GCFC2: variants seen among roughly 807,000 people sequenced by gnomAD.
GCFC2 encodes the protein GC-rich sequence DNA-binding factor 2, also known as intron Large complex component GCFC2.
Under a neutral mutation model 99.4 loss-of-function variants are expected in GCFC2, and 102 were observed. That is an observed-to-expected ratio of 1.03 (90% CI 0.87 to 1.21). The LOEUF is 1.21. Among genes scored for constraint, GCFC2 ranks in the 50% most tolerant of loss-of-function variants. The pLI is 0.00. For synonymous variants in GCFC2, 338 were observed against 316.8 expected (o/e 1.07, Z -0.71); for missense variants, 973 against 920.9 (o/e 1.06, Z -0.73).
intron 11 of GCFC2, among the ~76,000 whole-genome samples, chr2:75,683,486 A>C (rs762720994): frequency 2.0e-5 from 3 of 149,526 alleles, no homozygotes; most frequent in Non-Finnish European, 4.4e-5. Flanking sequence ...GACGCTGCAA[A>C]AACATACCGA....
chr2:75,690,912 G>T (rs1018162526), intron 7 of GCFC2, 193 bp from the exon 8 acceptor site: 1 of 444,344 alleles, frequency 2.3e-6, no homozygotes, highest in Non-Finnish European at 4.0e-6. Context: ...ACAGGCATGA[G>T]GTTCATTAGC....
At chr2:75,702,650 A>G (rs1208983377) in intron 2 of GCFC2, among the ~76,000 whole-genome samples, 1 of 152,226 alleles carries the variant, frequency 6.6e-6, no homozygotes, top group Non-Finnish European at 1.5e-5. Context: ...GTATCAGAAA[A>G]TATACTGAAA....
intron 12 of GCFC2, among the ~76,000 whole-genome samples, chr2:75,677,753 CGG>C (rs1275524163): frequency 6.6e-6 from 1 of 152,012 alleles, no homozygotes; most frequent in African/African-American, 2.4e-5. Flanking sequence ...CCGAGGTGGG[CGG>C]ATCACAAGGT....
At chr2:75,696,387 A>T (rs145372978) in intron 4 of GCFC2, 72 bp from the exon 5 acceptor site, 5 of 722,284 alleles carry the variant, frequency 6.9e-6, no homozygotes, top group Non-Finnish European at 1.0e-5. Context: ...TAGCATGTAA[A>T]GGGACTGGAT....
intron 4 of GCFC2, among the ~76,000 whole-genome samples, chr2:75,699,583 T>G (rs750477012): frequency 6.6e-6 from 1 of 151,054 alleles, no homozygotes; most frequent in Non-Finnish European, 1.5e-5. Context: ...TTCATTCATT[T>G]ATTTATTTTT....
chr2:75,662,918 A>C lies in GCFC2; in HGVS notation c.*1748T>G, dbSNP rs1300753221. 1.3e-5 allele frequency: 2 copies of C among 151,856 alleles called. No homozygotes were observed. Among genetic ancestry groups the C allele is most frequent in the Non-Finnish European group, 2.9e-5 (2 of 67,954 alleles). The allele number at this position is 151,856 out of a possible 1,614,324, so 9.4% of individuals were successfully genotyped here. A position where few individuals can be genotyped will look rare whatever the true frequency, so the allele number is the denominator to read the frequency against. ...TGCCACTTACGTAAAAAAAAAAAAA[A>C]AACCCAAAACTATGTACACATAGAA... On this transcript the variant is annotated 3_prime_UTR_variant, in exon 17 of 17. Transcript: ENST00000321027.
chr2:75,665,776 T>C (rs1678811608), intron 16 of GCFC2, among the ~76,000 whole-genome samples, 153 bp downstream of exon 16: 1 of 152,202 alleles, frequency 6.6e-6, no homozygotes, highest in South Asian at 2.1e-4. Flanking sequence ...GCATAAGCCA[T>C]CCCAAAGGTA....
At chr2:75,685,681 T>G (rs1679780718) in intron 11 of GCFC2, among the ~76,000 whole-genome samples, 1 of 152,148 alleles carries the variant, frequency 6.6e-6, no homozygotes, top group African/African-American at 2.4e-5. Flanking sequence ...AAAGTCAATT[T>G]TATACATTAA....
At chr2:75,681,906 C>T (rs1196199832) in intron 11 of GCFC2, among the ~76,000 whole-genome samples, 1 of 151,942 alleles carries the variant, frequency 6.6e-6, no homozygotes, top group Non-Finnish European at 1.5e-5. Context: ...CTCCTCTTCT[C>T]TGGGCAGAGC....
At chr2:75,679,809 G>A in intron 12 of GCFC2, 1 of 401,514 alleles carries the variant, frequency 2.5e-6, no homozygotes, top group Non-Finnish European at 4.4e-6. Flanking sequence ...AAAGATGGCT[G>A]CCTGGGCCAT....
chr2:75,710,575 G>A lies in GCFC2; in HGVS notation c.265+16C>T, dbSNP rs1185882556. 4.0e-6 allele frequency: 6 copies of A among 1,488,334 alleles called. No individual in the cohort carries two copies. The highest frequency in any genetic ancestry group is 5.3e-6 in the Non-Finnish European group (6 of 1,125,754). The allele number at this position is 1,488,334 out of a possible 1,614,324, so 92.2% of individuals were successfully genotyped here. Reference sequence around the variant, plus strand: ...TGTGCCGTCACCTCCCCGCTTCCCCGCGTCTCCCTGGACACCTGAGCCTTC... The same window carrying A: ...TGTGCCGTCACCTCCCCGCTTCCCCACGTCTCCCTGGACACCTGAGCCTTC... On this transcript the variant is annotated intron_variant, in intron 1 of 16. Transcript: ENST00000321027.
At chr2:75,692,467 C>T (rs1354028523) in intron 6 of GCFC2, among the ~76,000 whole-genome samples, 1 of 151,780 alleles carries the variant, frequency 6.6e-6, no homozygotes, top group Non-Finnish European at 1.5e-5. Flanking sequence ...GCCAACATAG[C>T]GAAACCCCTT....
intron 11 of GCFC2, among the ~76,000 whole-genome samples, chr2:75,681,473 G>A (rs1341269031): frequency 1.3e-5 from 2 of 152,062 alleles, no homozygotes; most frequent in Middle Eastern, 3.4e-3. Flanking sequence ...CCCCACCAGG[G>A]CTGTGGGTTT....
At chr2:75,688,466 T>A (rs1679915271) in intron 10 of GCFC2, among the ~76,000 whole-genome samples, 1 of 152,146 alleles carries the variant, frequency 6.6e-6, no homozygotes, top group African/African-American at 2.4e-5. Flanking sequence ...ATACTTCTTT[T>A]TTTTTCTTTT....
chr2:75,669,963 A>G, intron 15 of GCFC2, 175 bp downstream of exon 15: 1 of 445,204 alleles, frequency 2.2e-6, no homozygotes. Flanking sequence ...GACCTCACGC[A>G]ATCCGCCTGC....
In GCFC2 at chr2:75,664,510, G is replaced by A. The variant is rs1573035884; in HGVS notation, c.*156C>T. Reference sequence around the variant, plus strand: ...TGGCAGCTTTTCATGATGCCAGAAGGTAAAGCACGGGGGAATACAGAGGTG... The same window carrying A: ...TGGCAGCTTTTCATGATGCCAGAAGATAAAGCACGGGGGAATACAGAGGTG... On this transcript the variant is annotated 3_prime_UTR_variant, in exon 17 of 17. Transcript: ENST00000321027. 4 of 451,432 alleles carry A rather than the reference G, an allele frequency of 8.9e-6. No homozygotes were observed. The allele number at this position is 451,432 out of a possible 1,614,324, so 28.0% of individuals were successfully genotyped here.
chr2:75,670,278 G>T lies in GCFC2; in HGVS notation c.1963C>A (p.Arg655Ser). 1.3e-6 allele frequency: 2 copies of T among 1,597,170 alleles called. No individual in the cohort carries two copies. The highest frequency in any genetic ancestry group is 2.7e-5 in the African/African-American group (2 of 74,624). Residue 655 changes from arginine (R) to serine (S), a missense_variant, in exon 15 of 17, where the codon CGC becomes AGC. Physicochemically the swap from Arg to Ser is moderately radical, Grantham distance 110. Transcript: ENST00000321027. ...RQFWSGLKLF[R>S]NILLWNGLLT... The stretch of plus-strand genomic sequence containing the variant: ...AGTCCATTCCAAAGAAGAATATTGC[G>T]GAAGAGCTAAAATAAAATATCAAGT...
intron 9 of GCFC2, 29 bp downstream of exon 9, chr2:75,689,940 C>T: frequency 8.5e-7 from 1 of 1,176,626 alleles, no homozygotes; most frequent in Non-Finnish European, 1.3e-6. Flanking sequence ...AAACTCAAAC[C>T]ATGATATATT....
At position 75,664,260 on chromosome 2, in the gene GCFC2, A is replaced by G. The variant is rs942586169; in HGVS notation, c.*406T>C. Reference sequence around the variant, plus strand: ...ATAATTCACTCCAACTGAGATTTTCATATTGACTTATTTTTAAATAAAGGT... The same window carrying G: ...ATAATTCACTCCAACTGAGATTTTCGTATTGACTTATTTTTAAATAAAGGT... On this transcript the variant is annotated 3_prime_UTR_variant, in exon 17 of 17. Coordinates refer to ENST00000321027, the MANE Select transcript of GCFC2 (RefSeq NM_003203.5). 6.6e-6 allele frequency: 1 copy of G among 152,630 alleles called. No individual in the cohort carries two copies. Among genetic ancestry groups the G allele is most frequent in the Non-Finnish European group, 1.5e-5 (1 of 68,362 alleles). The allele number at this position is 152,630 out of a possible 1,614,324, so 9.5% of individuals were successfully genotyped here.
Sources: allele counts gnomAD v4.1 joint callset (sites outside exome capture counted in the v4.1 genomes callset), GRCh38; gene constraint gnomAD v4.1.1; transcripts MANE v1.5; gene names NCBI Gene and HGNC (gene_info 2026-07-23, HGNC 2026-07-21).